ARHGAP44: variants seen among roughly 807,000 people sequenced by gnomAD.
ARHGAP44 encodes rho GTPase-activating protein 44.
In ARHGAP44, 43 loss-of-function variants were observed where a neutral mutation model predicts 106.8. The observed-to-expected ratio is 0.40, with a 90% CI of 0.32 to 0.52. ARHGAP44 has a LOEUF of 0.52. Ranked by LOEUF, ARHGAP44 falls within the 20% of genes least tolerant of loss-of-function variation. ARHGAP44 has a pLI of 0.48. For synonymous variants in ARHGAP44, 439 were observed against 410.3 expected, an observed-to-expected ratio of 1.07 and a Z score of -0.85; for missense variants, 866 against 1,050.5, an observed-to-expected ratio of 0.82 and a Z score of 2.43.
At chr17:12,900,041 T>C (rs1191462640) in intron 3 of ARHGAP44, among the ~76,000 whole-genome samples, 1 of 152,196 alleles carries the variant, frequency 6.6e-6, no homozygotes, top group Admixed American at 6.5e-5. Flanking sequence ...TATTGTCTTG[T>C]GGGTACTGAG....
chr17:12,880,120 G>A (rs573602779), intron 1 of ARHGAP44, among the ~76,000 whole-genome samples: 64 of 151,896 alleles, frequency 4.2e-4, no homozygotes, highest in African/African-American at 1.3e-3. Flanking sequence ...TGAACATTTT[G>A]TTTTTCATCT....
At chr17:12,862,873 C>T (rs964675421) in intron 1 of ARHGAP44, among the ~76,000 whole-genome samples, 1 of 151,676 alleles carries the variant, frequency 6.6e-6, no homozygotes, top group Non-Finnish European at 1.5e-5. Flanking sequence ...TGGTGGTATA[C>T]ACCTGTAGTT....
intron 1 of ARHGAP44, among the ~76,000 whole-genome samples, chr17:12,851,415 C>G (rs1006177980): frequency 7.2e-5 from 11 of 152,082 alleles, no homozygotes; most frequent in African/African-American, 2.7e-4. Context: ...TCATCACACC[C>G]TCCTTCTCCC....
In ARHGAP44 at chr17:12,966,155, C is replaced by CAA. The variant is rs34324286; in HGVS notation, c.1524-7131_1524-7130dup. On this transcript the variant is annotated intron_variant, in intron 16 of 20. Coordinates refer to ENST00000379672, the MANE Select transcript of ARHGAP44 (RefSeq NM_014859.6). ...TGGATGACATAGTGACACGCTGTCT[C>CAA]AAAAAAAAAAAAAAAAATCCTTGAA... is the stretch of plus-strand genomic sequence containing the variant. 1.8e-3 allele frequency among the ~76,000 whole-genome samples: 209 copies of CAA among 116,724 alleles called. 1 individual carries two copies. Among genetic ancestry groups the CAA allele is most frequent in the Middle Eastern group, 4.7e-3 (1 of 212 alleles). 76.6% of individuals were successfully genotyped at this position (116,724 alleles called of 152,430 possible).
chr17:12,911,781 A>T (rs770009155), intron 4 of ARHGAP44, among the ~76,000 whole-genome samples: 1 of 152,148 alleles, frequency 6.6e-6, no homozygotes, highest in Non-Finnish European at 1.5e-5. Context: ...GGCTCGAGTG[A>T]TCTAATGTGT....
chr17:12,887,251 A>T (rs887193520), intron 1 of ARHGAP44, among the ~76,000 whole-genome samples: 2 of 152,152 alleles, frequency 1.3e-5, no homozygotes, highest in African/African-American at 4.8e-5. Flanking sequence ...ACTGATTGAC[A>T]GGGCCTTGCT....
At chr17:12,871,766 T>G (rs985360804) in intron 1 of ARHGAP44, among the ~76,000 whole-genome samples, 4 of 152,126 alleles carry the variant, frequency 2.6e-5, no homozygotes, top group African/African-American at 4.8e-5. Context: ...TCTGGTTGTT[T>G]AAAAGTATGT....
Position 12,925,371 on chromosome 17 carries a change from A to G in ARHGAP44, c.465-3558A>G, listed in dbSNP as rs567863680. Among the ~76,000 whole-genome samples the G allele has an allele frequency of 2.9e-4, 44 of 152,214 alleles. 1 individual carries two copies. Among genetic ancestry groups the G allele is most frequent in the Admixed American group, 2.5e-3 (38 of 15,288 alleles). Reference sequence around the variant, plus strand: ...CTGGCAGTCCCCTTTTTGACCACACATTACTGCAGAGTGGAAGCAGGAACT... The same window carrying G: ...CTGGCAGTCCCCTTTTTGACCACACGTTACTGCAGAGTGGAAGCAGGAACT... On this transcript the variant is annotated intron_variant, in intron 6 of 20. Transcript: ENST00000379672.
In ARHGAP44 at chr17:12,928,987, A is replaced by C. The variant is rs2038326005; in HGVS notation, c.523A>C (p.Lys175Gln). The change falls in exon 7 of 21, where the codon AAG (lysine) becomes CAG (glutamine). Residue 175 changes from lysine to glutamine, a missense_variant. This residue lies in a region of ARHGAP44 where 448 missense variants were observed against 646.9 expected (regional missense o/e 0.69). Coordinates refer to ENST00000379672, the MANE Select transcript of ARHGAP44 (RefSeq NM_014859.6). ...CAGCAGCTTACAGCCTGCGGGTGCC[A>C]AGGCTGATGCCCTCAGGGAAGAAAT... is the stretch of plus-strand genomic sequence containing the variant. The part of the protein sequence containing the change: ...LSSSLQPAGA[K>Q]ADALREEMEE... 6.2e-7 allele frequency: 1 copy of C among 1,613,510 alleles called. No individual in the cohort carries two copies. The highest frequency in any genetic ancestry group is 8.5e-7 in the Non-Finnish European group (1 of 1,179,772).
rs558077055 is a variant in ARHGAP44, at chr17:12,923,680, G to C, written c.464+3849G>C. 4.1e-4 allele frequency among the ~76,000 whole-genome samples: 62 copies of C among 152,234 alleles called. No homozygotes were observed. In the Middle Eastern group the frequency reaches 0.014, roughly 34 times the overall value. ...CTACAGGATGAAAAGGGCATTTTTA[G>C]CAAAGGTATACTCTTTGTTTCCGCT... On this transcript the variant is annotated intron_variant, in intron 6 of 20. Transcript: ENST00000379672.
intron 10 of ARHGAP44, among the ~76,000 whole-genome samples, chr17:12,947,813 T>C (rs2038893812): frequency 6.6e-6 from 1 of 152,246 alleles, no homozygotes; most frequent in African/African-American, 2.4e-5. Flanking sequence ...GTCTTTGTCG[T>C]AGCAGCCTTA....
Position 12,880,208 on chromosome 17 carries a change from A to G in ARHGAP44, c.54-14732A>G, listed in dbSNP as rs546377325. 5.9e-5 allele frequency among the ~76,000 whole-genome samples: 9 copies of G among 152,260 alleles called. No homozygotes were observed. In the East Asian group the frequency reaches 1.5e-3, roughly 26 times the overall value. On this transcript the variant is annotated intron_variant, in intron 1 of 20. Transcript: ENST00000379672. ...AATTTTCATATTATTTATTTGATGC[A>G]TAGATTCCATATGCTCGTATATATA...
At chr17:12,796,180 G>T (rs1029212104) in intron 1 of ARHGAP44, among the ~76,000 whole-genome samples, 1 of 149,340 alleles carries the variant, frequency 6.7e-6, no homozygotes, top group Non-Finnish European at 1.5e-5. Context: ...TTTAAAAAGA[G>T]TACAGACCAT....
intron 18 of ARHGAP44, among the ~76,000 whole-genome samples, chr17:12,979,192 G>A (rs925421774): frequency 6.6e-6 from 1 of 152,228 alleles, no homozygotes. Flanking sequence ...CACTGTGGGG[G>A]AAGTGTGGAG....
chr17:12,900,199 G>T (rs754660513), intron 3 of ARHGAP44, among the ~76,000 whole-genome samples: 1 of 151,626 alleles, frequency 6.6e-6, no homozygotes. Context: ...GCACCATTTC[G>T]ACTCACTGCA....
intron 1 of ARHGAP44, among the ~76,000 whole-genome samples, chr17:12,886,187 T>G (rs1052847841): frequency 6.6e-6 from 1 of 152,162 alleles, no homozygotes; most frequent in Admixed American, 6.5e-5. Context: ...TCTTTTCCAC[T>G]GATCTGGGTT....
chr17:12,907,650 TC>T (rs1351242927), intron 3 of ARHGAP44, among the ~76,000 whole-genome samples: 1 of 152,224 alleles, frequency 6.6e-6, no homozygotes, highest in African/African-American at 2.4e-5. Flanking sequence ...CATGCAGCAT[TC>T]CCTTTTTCAT....
intron 1 of ARHGAP44, among the ~76,000 whole-genome samples, chr17:12,822,125 T>C (rs564144850): frequency 2.0e-5 from 3 of 152,314 alleles, no homozygotes; most frequent in African/African-American, 4.8e-5. Flanking sequence ...TGGCAAACTT[T>C]CCTGTACAGG....
rs1005162532 is a variant in ARHGAP44, at chr17:12,789,606, C to G, written c.-233C>G. 3.3e-6 allele frequency: 1 copy of G among 306,702 alleles called. No homozygotes were observed. Among genetic ancestry groups the G allele is most frequent in the Non-Finnish European group, 5.9e-6 (1 of 168,382 alleles). The allele number at this position is 306,702 out of a possible 1,614,324, so 19.0% of individuals were successfully genotyped here. On this transcript the variant is annotated 5_prime_UTR_variant, in exon 1 of 21. Transcript: ENST00000379672. ...GACGGCCCCAGGCATTGCTCTGCCCCGGGCATTGCGCGGCGCGCGTGAGGG... is the reference window on the plus strand; with the variant it reads ...GACGGCCCCAGGCATTGCTCTGCCCGGGGCATTGCGCGGCGCGCGTGAGGG...
Sources: gnomAD v4.1 joint callset for allele counts (sites outside exome capture counted in the v4.1 genomes callset) on GRCh38, gnomAD v4.1.1 for gene constraint, gnomAD v4.1.1 regional missense constraint, MANE v1.5 for transcripts, NCBI Gene and HGNC (gene_info 2026-07-23, HGNC 2026-07-21) for gene names.